The following CBLN2 variants were observed in gnomAD, a reference collection of about 807,000 sequenced individuals.
The protein encoded by CBLN2 is cerebellin 2 precursor, also known as cerebellin-2.
Under a neutral mutation model 15.0 loss-of-function variants are expected in CBLN2, and 7 were observed. The ratio of observed to expected loss-of-function variants is 0.47; its 90% CI spans 0.27 to 0.88. The LOEUF (loss-of-function observed/expected upper bound fraction) is 0.88, where lower values mean the gene tolerates loss of function less well. Among genes scored for constraint, CBLN2 ranks in the 40% least tolerant of loss-of-function variants. The probability of loss-of-function intolerance (pLI) is 0.14; values close to 1 mark genes in which losing one functional copy is unlikely to be tolerated. For synonymous variants in CBLN2, 149 were observed against 135.2 expected (o/e 1.10, Z -0.71); for missense variants, 242 against 304.5 (o/e 0.79, Z 1.53).
intron 1 of CBLN2, among the ~76,000 whole-genome samples, chr18:72,559,556 C>A (rs777959450): frequency 7.2e-5 from 11 of 152,014 alleles, no homozygotes; most frequent in Non-Finnish European, 1.0e-4. Context: ...ATAATCACAG[C>A]GGAGTATGAA....
At chr18:72,584,496 G>A (rs941738105) in intron 1 of CBLN2, among the ~76,000 whole-genome samples, 3 of 151,958 alleles carry the variant, frequency 2.0e-5, no homozygotes, top group South Asian at 2.1e-4. Flanking sequence ...TAGAGCTAGG[G>A]TTTCACCGTG....
At chr18:72,573,567 G>T (rs894350767) in intron 1 of CBLN2, among the ~76,000 whole-genome samples, 6 of 152,050 alleles carry the variant, frequency 3.9e-5, no homozygotes, top group Non-Finnish European at 7.4e-5. Context: ...TTTCAGATTG[G>T]CCTCTTTTAC....
chr18:72,630,056 T>A (rs914622038), intron 1 of CBLN2, among the ~76,000 whole-genome samples: 5 of 152,192 alleles, frequency 3.3e-5, no homozygotes, highest in Non-Finnish European at 5.9e-5. Flanking sequence ...TTAGATATAG[T>A]AGAAGTATCT....
intron 3 of CBLN2, 24 bp downstream of exon 3, chr18:72,541,780 G>C (rs762563190): frequency 6.6e-7 from 1 of 1,506,242 alleles, no homozygotes; most frequent in East Asian, 2.5e-5. Flanking sequence ...GGCTGGGGGC[G>C]GGGTGGGCAG....
At chr18:72,635,470 T>C (rs1197441264) in intron 1 of CBLN2, among the ~76,000 whole-genome samples, 1 of 152,182 alleles carries the variant, frequency 6.6e-6, no homozygotes, top group Non-Finnish European at 1.5e-5. Flanking sequence ...GTTGTAAATC[T>C]ACGACTTCAG....
chr18:72,555,026 T>C (rs1428192187), intron 1 of CBLN2, among the ~76,000 whole-genome samples: 1 of 151,888 alleles, frequency 6.6e-6, no homozygotes, highest in Non-Finnish European at 1.5e-5. Flanking sequence ...TCCCAGCTAC[T>C]TGGGAGGCTG....
intron 1 of CBLN2, among the ~76,000 whole-genome samples, chr18:72,610,874 T>C (rs567253371): frequency 7.9e-5 from 12 of 152,248 alleles, no homozygotes; most frequent in African/African-American, 2.9e-4. Flanking sequence ...ACCCAATAGT[T>C]AGTATTTCAA....
At chr18:72,590,091 C>G (rs1047562338) in intron 1 of CBLN2, among the ~76,000 whole-genome samples, 3 of 152,212 alleles carry the variant, frequency 2.0e-5, no homozygotes, top group African/African-American at 7.2e-5. Context: ...CACAGTGAAA[C>G]CCTGTCTCTA....
intron 1 of CBLN2, among the ~76,000 whole-genome samples, chr18:72,597,644 G>T (rs2069521786): frequency 6.6e-6 from 1 of 152,158 alleles, no homozygotes; most frequent in African/African-American, 2.4e-5. Flanking sequence ...AGTTCCCCCT[G>T]TCCCTGAGAA....
At position 72,543,462 on chromosome 18, in the gene CBLN2, G is replaced by A; in HGVS notation, c.-167+24C>T. ...CGCAGAAGGCGCTTGCATGCGGAGG[G>A]GAGGGCAGGTCGGGGGTGGTTACCT... On this transcript the variant is annotated intron_variant, in intron 2 of 4. Transcript: ENST00000269503. This position sits in a 1 kb window ranked among gnomAD's most constrained non-coding sequence, Gnocchi z 6.8. 2.5e-6 allele frequency: 1 copy of A among 398,808 alleles called. No individual in the cohort carries two copies. The allele number at this position is 398,808 out of a possible 1,614,324, so 24.7% of individuals were successfully genotyped here. A position where few individuals can be genotyped will look rare whatever the true frequency, so the allele number is the denominator to read the frequency against.
At chr18:72,584,838 C>T (rs554572282) in intron 1 of CBLN2, among the ~76,000 whole-genome samples, 9 of 152,240 alleles carry the variant, frequency 5.9e-5, no homozygotes, top group African/African-American at 1.2e-4. Flanking sequence ...CATCTTTGCC[C>T]GAGTTTTGAT....
chr18:72,556,240 T>C (rs1166588518), intron 1 of CBLN2, among the ~76,000 whole-genome samples: 3 of 152,154 alleles, frequency 2.0e-5, no homozygotes, highest in East Asian at 1.9e-4. Flanking sequence ...CTTTTACTAA[T>C]TGTAATAATG....
chr18:72,597,364 T>C (rs2069519765), intron 1 of CBLN2, among the ~76,000 whole-genome samples: 1 of 152,234 alleles, frequency 6.6e-6, no homozygotes, highest in African/African-American at 2.4e-5. Context: ...GTTACTCTTG[T>C]TCTCTTCCCT....
chr18:72,586,245 T>TTG (rs2069442382), intron 1 of CBLN2, among the ~76,000 whole-genome samples: 1 of 152,250 alleles, frequency 6.6e-6, no homozygotes, highest in African/African-American at 2.4e-5. Flanking sequence ...TCAAAATTAT[T>TTG]ATTGTTTCCT....
intron 1 of CBLN2, among the ~76,000 whole-genome samples, chr18:72,606,366 C>A (rs941630124): frequency 1.2e-4 from 18 of 152,176 alleles, no homozygotes; most frequent in African/African-American, 3.9e-4. Context: ...ATATGGAAAT[C>A]GTTTTCCTGT....
At chr18:72,619,681 A>T (rs2144965040) in intron 1 of CBLN2, among the ~76,000 whole-genome samples, 1 of 152,336 alleles carries the variant, frequency 6.6e-6, no homozygotes, top group South Asian at 2.1e-4. Flanking sequence ...TTATGAAAAC[A>T]AAGGTTTCTC....
intron 1 of CBLN2, chr18:72,620,330 T>C (rs2069691887): frequency 6.6e-6 from 1 of 152,092 alleles, no homozygotes; most frequent in Non-Finnish European, 1.5e-5. Context: ...CAGGAACAAA[T>C]TGAAGGATGG....
intron 1 of CBLN2, among the ~76,000 whole-genome samples, chr18:72,591,455 T>G (rs2069479326): frequency 6.6e-6 from 1 of 152,150 alleles, no homozygotes; most frequent in Non-Finnish European, 1.5e-5. Context: ...TCACTGTAAA[T>G]AAGGTATCCA....
intron 3 of CBLN2, chr18:72,539,958 G>T (rs138453588): frequency 2.6e-5 from 4 of 152,204 alleles, no homozygotes; most frequent in East Asian, 3.9e-4. Flanking sequence ...AGTTCCCAGC[G>T]CAATGTGAAA....
Sources: gnomAD v4.1 joint callset for allele counts (sites outside exome capture counted in the v4.1 genomes callset) on GRCh38, gnomAD v4.1.1 for gene constraint, Gnocchi (gnomAD v3.1) non-coding constraint, MANE v1.5 for transcripts, NCBI Gene and HGNC (gene_info 2026-07-23, HGNC 2026-07-21) for gene names.